Variants in TTN observed in about 807,000 individuals in gnomAD.
TTN encodes the protein titin.
A neutral mutation model predicts 3,223.0 loss-of-function variants in TTN; 1,525 were observed. The ratio of observed to expected loss-of-function variants is 0.47; its 90% CI spans 0.45 to 0.49. TTN has a LOEUF of 0.49. Ranked by LOEUF, TTN falls within the 20% of genes least tolerant of loss-of-function variation. TTN has a pLI of 0.00. For synonymous variants in TTN, 14,094 were observed against 15,161.0 expected (o/e 0.93, Z 5.17); for missense variants, 40,786 against 43,424.0 (o/e 0.94, Z 5.40).
At position 178,777,474 on chromosome 2, in the gene TTN, C is replaced by A; in HGVS notation, c.4591G>T (p.Val1531Phe). ...GATCTGCCTGCCCTGTTTTGGGCAA[C>A]CACAGTCCATTCCCCAGAATCACTG... ...TPSDSGEWTV[V>F]AQNRAGRSSI... Residue 1531 changes from valine (V) to phenylalanine (F), a missense_variant, in exon 26 of 363, where the codon GTT becomes TTT. Physicochemically the swap from Val to Phe is conservative, Grantham distance 50. Transcript: ENST00000589042. 6.2e-7 allele frequency: 1 copy of A among 1,613,866 alleles called. No homozygotes were observed. Among genetic ancestry groups the A allele is most frequent in the Non-Finnish European group, 8.5e-7 (1 of 1,179,926 alleles).
Position 178,639,768 on chromosome 2 carries a change from G to T in TTN, c.40807C>A (p.Pro13603Thr). The T allele has an allele frequency of 6.3e-7, 1 of 1,599,608 alleles. No homozygotes were observed. Among genetic ancestry groups the T allele is most frequent in the Non-Finnish European group, 8.5e-7 (1 of 1,174,584 alleles). ...PEAEVKTIKP[P>T]PVEPEPTPIA... is the part of the protein sequence containing the mutation. Reference sequence around the variant, plus strand: ...GGGGTTGGTTCAGGTTCCACAGGAGGTGGTTTGATTGTTTTCACTTCTGTA... The same window carrying T: ...GGGGTTGGTTCAGGTTCCACAGGAGTTGGTTTGATTGTTTTCACTTCTGTA... The change falls in exon 223 of 363, where the codon CCT becomes ACT. Residue 13603 changes from proline to threonine, a missense_variant. Transcript: ENST00000589042.
At chr2:178,736,939 A>G (rs540111907) in intron 49 of TTN, among the ~76,000 whole-genome samples, 7 of 152,260 alleles carry the variant, frequency 4.6e-5, no homozygotes, top group Admixed American at 1.3e-4. Flanking sequence ...GATGTGCTGC[A>G]TTTGCCCTTC....
At chr2:178,747,719 T>A (rs1456524029) in intron 47 of TTN, 6 of 1,611,972 alleles carry the variant, frequency 3.7e-6, no homozygotes, top group Non-Finnish European at 2.5e-6. Context: ...CTCAGTGGTA[T>A]GTGCCTCATC....
At position 178,635,257 on chromosome 2, in the gene TTN, C is replaced by T. The variant is rs746667196; in HGVS notation, c.41932G>A (p.Glu13978Lys). 5.2e-5 allele frequency: 84 copies of T among 1,613,188 alleles called. No individual in the cohort carries two copies. The highest frequency in any genetic ancestry group is 6.9e-5 in the Non-Finnish European group (81 of 1,179,532). Residue 13978 changes from glutamate (E) to lysine (K), a missense_variant, in exon 228 of 363, where the codon GAG becomes AAG. Physicochemically the swap from Glu to Lys is moderately conservative, Grantham distance 56 (BLOSUM62 1). Coordinates refer to ENST00000589042, the MANE Select transcript of TTN (RefSeq NM_001267550.2). ...GCATCAAAGCTTGCACTTTCTTTCT[C>T]ATAAATGGTAACGTCCTCTATTGGT... is the stretch of plus-strand genomic sequence containing the variant. ...LKPIEDVTIY[E>K]KESASFDAEI...
Position 178,764,767 on chromosome 2 carries a change from C to G in TTN, c.9748G>C (p.Val3250Leu). The G allele has an allele frequency of 6.2e-7, 1 of 1,613,828 alleles. No individual in the cohort carries two copies. The highest frequency in any genetic ancestry group is 1.3e-5 in the African/African-American group (1 of 75,028). The change falls in exon 42 of 363, where the codon GTG becomes CTG. Residue 3250 changes from valine (V) to leucine (L), a missense_variant. Transcript: ENST00000589042. ...QVLQELQPVT[V>L]QSGKPARFCA... ...AAGCGGGCAGGCTTGCCAGACTGCA[C>G]AGTGACAGGCTGGAGCTCCTGCAGA...
In TTN at chr2:178,712,737, T is replaced by C. The variant is rs775382008; in HGVS notation, c.27288A>G (p.Glu9096=). 6.2e-7 allele frequency: 1 copy of C among 1,613,830 alleles called. No homozygotes were observed. Among genetic ancestry groups the C allele is most frequent in the Admixed American group, 1.7e-5 (1 of 60,010 alleles). Residue 9096 remains glutamate (E), a synonymous_variant, in exon 94 of 363, where the codon GAA becomes GAG. Coordinates refer to ENST00000589042, the MANE Select transcript of TTN (RefSeq NM_001267550.2). ...GTGTTGTACAAGAAGCCTTGCCAGC[T>C]TCATTGCTAACTATGCAAGTATATT... is the stretch of plus-strand genomic sequence containing the variant. ...SGEYTCIVSN[E]AGKASCTTHL...
rs1692258849 is a variant in TTN at position 178,537,744 on chromosome 2, T to C, written c.99463A>G (p.Thr33155Ala). The C allele has an allele frequency of 1.2e-6, 2 of 1,613,814 alleles. No individual in the cohort carries two copies. The highest frequency in any genetic ancestry group is 1.3e-5 in the African/African-American group (1 of 75,040). The change falls in exon 355 of 363, where the codon ACA (threonine) becomes GCA (alanine). Residue 33155 changes from threonine (T) to alanine (A), a missense_variant. Transcript: ENST00000589042. ...TCTGTCATTACTGTAAGAGTGTGTG[T>C]GCGTCCATCTGAAGACATTTTGTAT... The part of the protein sequence containing the change: ...RKYKMSSDGR[T>A]HTLTVMTEEQ...
Position 178,542,489 on chromosome 2 carries a change from G to T in TTN, c.97267C>A (p.Pro32423Thr). 6.2e-7 allele frequency: 1 copy of T among 1,612,968 alleles called. No individual in the cohort carries two copies. ...DATSITISWE[P>T]PELDGGAPLS... ...GGAGCACCACCGTCCAATTCAGGTG[G>T]TTCCCAGGAAATGGTAATTGATGTA... The change falls in exon 349 of 363, where the codon CCA (proline) becomes ACA (threonine). Residue 32423 changes from proline (P) to threonine (T), a missense_variant. Transcript: ENST00000589042.
rs1235386202 is a variant in TTN, at chr2:178,612,937, G to C, written c.49784C>G (p.Thr16595Arg). The C allele has an allele frequency of 3.1e-6, 5 of 1,612,552 alleles. No homozygotes were observed. In the South Asian group the frequency reaches 3.3e-5, roughly 11 times the overall value. ...SYVIEMLKTG[T>R]DEWVRVAEGV... ...TTCCGCCACTCTGACCCACTCATCT[G>C]TTCCAGTCTTCAGCATTTCAATGAC... The change falls in exon 265 of 363, where the codon ACA becomes AGA. Residue 16595 changes from threonine (T) to arginine (R), a missense_variant. Thr to Arg is a moderately conservative substitution (Grantham distance 71). Transcript: ENST00000589042.
intron 298 of TTN, 22 bp from the exon 299 acceptor site, chr2:178,593,497 G>T: frequency 6.3e-7 from 1 of 1,599,636 alleles, no homozygotes; most frequent in Non-Finnish European, 8.5e-7. Flanking sequence ...GTTGGAAAAT[G>T]CGTTAGAAAT....
In TTN at chr2:178,672,146, G is replaced by T. The variant is rs2067107916; in HGVS notation, c.35052C>A (p.Phe11684Leu). ...EVEEIPEEEEFHEVEEYFEEG... is the reference protein window; with the variant it reads ...EVEEIPEEEELHEVEEYFEEG... ...CTTCAAAATATTCTTCAACTTCATGGAACTCTTCTTCTTCCGGAATTTCTT... is the reference window on the plus strand; with the variant it reads ...CTTCAAAATATTCTTCAACTTCATGTAACTCTTCTTCTTCCGGAATTTCTT... The change falls in exon 155 of 363, where the codon TTC (phenylalanine) becomes TTA (leucine). Residue 11684 changes from phenylalanine to leucine, a missense_variant. Coordinates refer to ENST00000589042, the MANE Select transcript of TTN (RefSeq NM_001267550.2). 1 of 1,605,458 alleles carries T rather than the reference G, an allele frequency of 6.2e-7. No homozygotes were observed. Among genetic ancestry groups the T allele is most frequent in the Non-Finnish European group, 8.5e-7 (1 of 1,175,048 alleles).
rs2154358681 is a variant in TTN at position 178,799,876 on chromosome 2, T to C, written c.618A>G (p.Thr206=). The C allele has an allele frequency of 6.2e-7, 1 of 1,614,146 alleles. No individual in the cohort carries two copies. Among genetic ancestry groups the C allele is most frequent in the Non-Finnish European group, 8.5e-7 (1 of 1,180,008 alleles). The change falls in exon 5 of 363, where the codon ACA becomes ACG. Residue 206 remains threonine, a synonymous_variant. Coordinates refer to ENST00000589042, the MANE Select transcript of TTN (RefSeq NM_001267550.2). ...CTGAGATCTGAGCAGTCGAAACAAT[T>C]GTCTTTGTCTTTTTAGCAGGTACTT... ...EEEVPAKKTK[T]IVSTAQISES...
At chr2:178,700,385 T>G (rs2074745545) in intron 111 of TTN, among the ~76,000 whole-genome samples, 1 of 152,214 alleles carries the variant, frequency 6.6e-6, no homozygotes, top group African/African-American at 2.4e-5. Flanking sequence ...CCCTTGAATC[T>G]AATACAGTAG....
Position 178,612,440 on chromosome 2 carries a change from T to C in TTN, c.50085A>G (p.Arg16695=). 1 of 1,612,530 alleles carries C rather than the reference T, an allele frequency of 6.2e-7. No individual in the cohort carries two copies. Among genetic ancestry groups the C allele is most frequent in the South Asian group, 1.1e-5 (1 of 91,044 alleles). Residue 16695 remains arginine, a synonymous_variant, in exon 266 of 363, where the codon CGA becomes CGG. Transcript: ENST00000589042. ...NYIVEKRDVR[R]KGWQTVDTTV... ...TGGTATCCACTGTTTGCCAGCCTTT[T>C]CGCCTGACGTCTCTCTTTTCCACAA...
At chr2:178,769,604 G>T (rs1410470357) in intron 37 of TTN, 75 bp downstream of exon 37, 3 of 1,267,930 alleles carry the variant, frequency 2.4e-6, no homozygotes, top group South Asian at 1.8e-5. Context: ...GTAGGATATA[G>T]AATATCAATG....
intron 110 of TTN, 63 bp downstream of exon 110, chr2:178,701,465 T>C: frequency 1.3e-6 from 2 of 1,539,780 alleles, no homozygotes; most frequent in Non-Finnish European, 1.8e-6. Flanking sequence ...TAAAATTTCG[T>C]ACAGATTCCT....
chr2:178,784,286 C>T lies in TTN; in HGVS notation c.2559G>A (p.Gln853=), dbSNP rs1259006061. The change falls in exon 16 of 363, where the codon CAG becomes CAA. Residue 853 remains glutamine, a synonymous_variant. Transcript: ENST00000589042. ...QKELSATSSA[Q]KITKSVKAPT... Reference sequence around the variant, plus strand: ...GAGCCTTCACCGATTTGGTGATCTTCTGAGCAGAAGATGTGGCTGACAACT... The same window carrying T: ...GAGCCTTCACCGATTTGGTGATCTTTTGAGCAGAAGATGTGGCTGACAACT... 1 of 1,614,026 alleles carries T rather than the reference C, an allele frequency of 6.2e-7. No individual in the cohort carries two copies. The highest frequency in any genetic ancestry group is 1.3e-5 in the African/African-American group (1 of 74,918).
Position 178,609,243 on chromosome 2 carries a change from C to T in TTN, c.52067G>A (p.Gly17356Asp), listed in dbSNP as rs759091835. ...LYMIKVENDH[G>D]IAKAPCTVSV... is the part of the protein sequence containing the mutation. ...GACAGTACAAGGAGCTTTTGCAATA[C>T]CGTGGTCATTTTCAACTTTGATCAT... The change falls in exon 273 of 363, where the codon GGT (glycine) becomes GAT (aspartate). Residue 17356 changes from glycine (G) to aspartate (D), a missense_variant. Coordinates refer to ENST00000589042, the MANE Select transcript of TTN (RefSeq NM_001267550.2). 11 of 1,530,528 alleles carry T rather than the reference C, an allele frequency of 7.2e-6. No individual in the cohort carries two copies. The highest frequency in any genetic ancestry group is 3.5e-4 in the Middle Eastern group (2 of 5,660). The allele number at this position is 1,530,528 out of a possible 1,614,324, so 94.8% of individuals were successfully genotyped here. A position where few individuals can be genotyped will look rare whatever the true frequency, so the allele number is the denominator to read the frequency against.
chr2:178,703,557 C>G (rs2075354075), intron 106 of TTN, among the ~76,000 whole-genome samples: 1 of 152,112 alleles, frequency 6.6e-6, no homozygotes, highest in African/African-American at 2.4e-5. Context: ...TTTCTCAATA[C>G]AGTTTGAGGG....
Sources: gnomAD v4.1 joint callset for allele counts (sites outside exome capture counted in the v4.1 genomes callset) on GRCh38, gnomAD v4.1.1 for gene constraint, MANE v1.5 for transcripts, NCBI Gene and HGNC (gene_info 2026-07-23, HGNC 2026-07-21) for gene names.